The following MGAM variants were observed in gnomAD, a reference collection of about 807,000 sequenced individuals.
The protein encoded by MGAM is maltase-glucoamylase, also known as alpha-1,4-glucosidase.
MGAM carries 253 observed loss-of-function variants against 358.8 expected under a neutral mutation model. The observed-to-expected ratio is 0.71, with a 90% CI of 0.64 to 0.78. The LOEUF (loss-of-function observed/expected upper bound fraction) is 0.78, where lower values mean the gene tolerates loss of function less well. Among genes scored for constraint, MGAM ranks in the 30% least tolerant of loss-of-function variants. The pLI is 0.00. For missense variants in MGAM, 3,080 were observed against 3,432.6 expected, an observed-to-expected ratio of 0.90 and a Z score of 2.57; for synonymous variants, 1,105 against 1,227.1, an observed-to-expected ratio of 0.90 and a Z score of 2.08.
intron 2 of MGAM, among the ~76,000 whole-genome samples, chr7:141,988,220 G>GGAGGTTGCAGTGAGCC (rs1803792213): frequency 6.6e-6 from 1 of 152,100 alleles, no homozygotes; most frequent in Non-Finnish European, 1.5e-5. Flanking sequence ...CCCAGGAGGA[G>GGAGGTTGCAGTGAGCC]GAGGTTGCAG....
At chr7:142,064,153 G>C (rs1376128968) in intron 36 of MGAM, among the ~76,000 whole-genome samples, 2 of 152,320 alleles carry the variant, frequency 1.3e-5, no homozygotes, top group East Asian at 3.9e-4. Context: ...TTTGACAGCT[G>C]TACGTTCTTC....
chr7:142,063,515 C>T lies in MGAM; in HGVS notation c.4274C>T (p.Ser1425Leu), dbSNP rs1394987514. Reference sequence around the variant, plus strand: ...CATTTCTAGGATATGAATGAACCATCAAGCTTCGTGAATGGGGCAGTTTCT... The same window carrying T: ...CATTTCTAGGATATGAATGAACCATTAAGCTTCGTGAATGGGGCAGTTTCT... ...DGMWIDMNEP[S>L]SFVNGAVSPG... Residue 1425 changes from serine to leucine, a missense_variant, in exon 36 of 71, where the codon TCA (serine) becomes TTA (leucine). Ser to Leu is a moderately radical substitution (Grantham distance 145). Transcript: ENST00000475668. 1 of 1,613,634 alleles carries T rather than the reference C, an allele frequency of 6.2e-7. No individual in the cohort carries two copies. The highest frequency in any genetic ancestry group is 1.1e-5 in the South Asian group (1 of 90,974).
In MGAM at chr7:142,094,851, C is replaced by T. The variant is rs1208964290; in HGVS notation, c.7446C>T (p.Thr2482=). The T allele has an allele frequency of 6.2e-7, 1 of 1,613,972 alleles. No individual in the cohort carries two copies. Among genetic ancestry groups the T allele is most frequent in the Non-Finnish European group, 8.5e-7 (1 of 1,179,872 alleles). ...ACCCCTTCTCAAGAAACCACAACAC[C>T]ATTGGGACCAGGGTAGGACAGTGGC... ...AFYPFSRNHN[T]IGTRRQDPVS... Residue 2482 remains threonine, a synonymous_variant, in exon 63 of 71, where the codon ACC becomes ACT. Coordinates refer to ENST00000475668, the MANE Select transcript of MGAM (RefSeq NM_001365693.1).
chr7:142,043,050 T>C (rs1366277167), intron 21 of MGAM, among the ~76,000 whole-genome samples: 4 of 92,390 alleles, frequency 4.3e-5, no homozygotes, highest in African/African-American at 2.2e-4. Flanking sequence ...AAATATAATA[T>C]CTATATTATA....
intron 2 of MGAM, among the ~76,000 whole-genome samples, chr7:141,989,081 T>C (rs925477899): frequency 6.1e-5 from 9 of 148,740 alleles, no homozygotes; most frequent in African/African-American, 2.3e-4. Flanking sequence ...GCCATGTGCT[T>C]GTGAGTGTGT....
intron 3 of MGAM, among the ~76,000 whole-genome samples, chr7:142,016,610 T>G (rs1805995378): frequency 6.6e-6 from 1 of 152,202 alleles, no homozygotes; most frequent in Non-Finnish European, 1.5e-5. Context: ...TTTATTGTTT[T>G]GAGATGGAGT....
chr7:142,045,544 T>C (rs1381716980), intron 21 of MGAM, among the ~76,000 whole-genome samples: 2 of 85,256 alleles, frequency 2.3e-5, no homozygotes, highest in Admixed American at 2.0e-4. Flanking sequence ...ATATATTATA[T>C]ATACATACAA....
At chr7:142,070,184 C>A (rs1444070825) in intron 43 of MGAM, among the ~76,000 whole-genome samples, 1 of 122,718 alleles carries the variant, frequency 8.1e-6, no homozygotes, top group African/African-American at 2.7e-5. Flanking sequence ...CGGAACCAGA[C>A]TTTGTCTCAA....
intron 3 of MGAM, among the ~76,000 whole-genome samples, chr7:142,010,317 T>A (rs555568916): frequency 6.6e-6 from 1 of 152,190 alleles, no homozygotes; most frequent in Admixed American, 6.6e-5. Flanking sequence ...TTCACTGAAT[T>A]CCTTCCTATC....
intron 16 of MGAM, among the ~76,000 whole-genome samples, 157 bp downstream of exon 16, chr7:142,034,998 T>G (rs577583100): frequency 3.9e-5 from 6 of 152,352 alleles, no homozygotes; most frequent in Non-Finnish European, 8.8e-5. Context: ...AGGGCTTTGA[T>G]ACCATGACAT....
rs768988456 is a variant in MGAM at position 142,040,833 on chromosome 7, A to G, written c.2485A>G (p.Thr829Ala). The change falls in exon 21 of 71, where the codon ACC becomes GCC. Residue 829 changes from threonine (T) to alanine (A), a missense_variant. Thr to Ala is a moderately conservative substitution (Grantham distance 58). This residue lies in a region of MGAM where 1,816 missense variants were observed against 1,840.5 expected (regional missense o/e 0.99). Transcript: ENST00000475668. ...CTTCCCCACACAGCAGCCAAATACAACCACTCTGGCCAGGTATAGCATGGC... is the reference window on the plus strand; with the variant it reads ...CTTCCCCACACAGCAGCCAAATACAGCCACTCTGGCCAGGTATAGCATGGC... ...YIFPTQQPNT[T>A]TLASRKNPLG... is the part of the protein sequence containing the mutation. 1 of 1,611,528 alleles carries G rather than the reference A, an allele frequency of 6.2e-7. No homozygotes were observed. The highest frequency in any genetic ancestry group is 1.7e-5 in the Admixed American group (1 of 59,674).
upstream of MGAM, among the ~76,000 whole-genome samples, chr7:141,993,774 A>G (rs1242585851): frequency 6.6e-6 from 1 of 152,162 alleles, no homozygotes; most frequent in Non-Finnish European, 1.5e-5. Context: ...CTTTCACATC[A>G]TATATTTAAA....
intron 26 of MGAM, among the ~76,000 whole-genome samples, chr7:142,054,224 C>A: frequency 6.6e-6 from 1 of 152,210 alleles, no homozygotes; most frequent in East Asian, 1.9e-4. Flanking sequence ...CTCTCTTTGA[C>A]TTCTTATTCG....
intron 35 of MGAM, among the ~76,000 whole-genome samples, chr7:142,063,032 C>T (rs1166418713): frequency 6.6e-6 from 1 of 152,144 alleles, no homozygotes; most frequent in East Asian, 1.9e-4. Context: ...AACTCCGTCT[C>T]TACTAAAAAT....
Position 142,064,368 on chromosome 7 carries a change from A to G in MGAM, c.4346-16A>G, listed in dbSNP as rs1292921353. The G allele has an allele frequency of 6.2e-6, 10 of 1,602,534 alleles. No individual in the cohort carries two copies. The highest frequency in any genetic ancestry group is 8.5e-6 in the Non-Finnish European group (10 of 1,174,646). On this transcript the variant is annotated splice_polypyrimidine_tract_variant and intron_variant, in intron 36 of 70. Coordinates refer to ENST00000475668, the MANE Select transcript of MGAM (RefSeq NM_001365693.1). ...AATCAGGGCTGGGTTTCACCTCGCCAGTTCTTCCTCCTCAGATTTGGAGTC... is the reference window on the plus strand; with the variant it reads ...AATCAGGGCTGGGTTTCACCTCGCCGGTTCTTCCTCCTCAGATTTGGAGTC...
chr7:142,046,919 GATTT>G (rs930689208), intron 21 of MGAM, among the ~76,000 whole-genome samples: 1 of 152,044 alleles, frequency 6.6e-6, no homozygotes, highest in African/African-American at 2.4e-5. Context: ...CAGGGGTTGT[GATTT>G]ATTTATTTTT....
intron 21 of MGAM, among the ~76,000 whole-genome samples, chr7:142,044,662 T>G (rs1344997121): frequency 6.5e-5 from 5 of 77,354 alleles, no homozygotes; most frequent in South Asian, 8.3e-4. Context: ...ATAATGTATA[T>G]TATATACACG....
Position 142,096,344 on chromosome 7 carries a change from C to T in MGAM, c.7621C>T (p.Gln2541Ter), listed in dbSNP as rs771880163. 5.6e-6 allele frequency: 9 copies of T among 1,613,518 alleles called. No homozygotes were observed. The highest frequency in any genetic ancestry group is 7.6e-6 in the Non-Finnish European group (9 of 1,179,572). The change falls in exon 65 of 71, where the codon CAG becomes TAG. Residue 2541 changes from glutamine to a stop codon, truncating the protein, a stop_gained. Transcript: ENST00000475668. LOFTEE classifies it high-confidence loss of function. ...RPLLHEFVSDQVTWDIDSQFL... is the reference protein window; with the variant it reads ...RPLLHEFVSD ...TTCCCTTTCCAGGTTTGTGTCAGACCAGGTGACATGGGACATAGACAGTCA... is the reference window on the plus strand; with the variant it reads ...TTCCCTTTCCAGGTTTGTGTCAGACTAGGTGACATGGGACATAGACAGTCA...
intron 21 of MGAM, among the ~76,000 whole-genome samples, chr7:142,043,807 A>T (rs1423890965): frequency 1.1e-5 from 1 of 94,266 alleles, no homozygotes; most frequent in East Asian, 2.8e-4. Flanking sequence ...TATACATTAT[A>T]TACACATACG....
Sources: gnomAD v4.1 joint callset for allele counts (sites outside exome capture counted in the v4.1 genomes callset) on GRCh38, gnomAD v4.1.1 for gene constraint, gnomAD v4.1.1 regional missense constraint, MANE v1.5 for transcripts, NCBI Gene and HGNC (gene_info 2026-07-23, HGNC 2026-07-21) for gene names.